CIMAP1D: variants seen among roughly 807,000 people sequenced by gnomAD.
The protein encoded by CIMAP1D is protein CIMAP1D.
At chr19:467,836 C>T in the CIMAP1D span, 1 of 928,412 alleles carries the variant, frequency 1.1e-6, no homozygotes, top group South Asian at 1.6e-5. Context: ...CCTCAGTGCC[C>T]CTCTTGGCCC....
At chr19:472,642 T>C in the CIMAP1D span, 10 of 540,544 alleles carry the variant, frequency 1.8e-5, no homozygotes, top group Non-Finnish European at 3.3e-5. Context: ...AAGAGGCTGC[T>C]GCCCGTCGGG....
chr19:486,282 C>T, the CIMAP1D span, among the ~76,000 whole-genome samples: 2 of 152,208 alleles, frequency 1.3e-5, no homozygotes, highest in African/African-American at 4.8e-5. Context: ...CCTTCCTGCC[C>T]TCTCTGGCTG....
chr19:479,531 C>T, the CIMAP1D span, among the ~76,000 whole-genome samples: 28 of 151,446 alleles, frequency 1.8e-4, no homozygotes, highest in South Asian at 4.0e-3. Flanking sequence ...CAGCCTCTCG[C>T]GTAGCTGGGA....
At chr19:479,071 G>A in the CIMAP1D span, among the ~76,000 whole-genome samples, 1 of 152,216 alleles carries the variant, frequency 6.6e-6, no homozygotes, top group East Asian at 1.9e-4. Flanking sequence ...AGTGAGGGCC[G>A]TGATCAACTC....
At chr19:471,227 C>CA in the CIMAP1D span, among the ~76,000 whole-genome samples, 5 of 152,124 alleles carry the variant, frequency 3.3e-5, no homozygotes, top group Admixed American at 6.6e-5. Flanking sequence ...CGGCTCACTG[C>CA]AGCATCTGCC....
the CIMAP1D span, chr19:463,943 C>T: frequency 7.4e-6 from 12 of 1,611,328 alleles, no homozygotes; most frequent in East Asian, 4.5e-5. Context: ...CCATAGAGAA[C>T]GCTGGAGCCC....
At chr19:470,981 T>C in the CIMAP1D span, among the ~76,000 whole-genome samples, 2 of 152,216 alleles carry the variant, frequency 1.3e-5, no homozygotes, top group East Asian at 1.9e-4. Context: ...CAGCCGGGAA[T>C]GTCCACAGAG....
At chr19:470,855 G>A in the CIMAP1D span, among the ~76,000 whole-genome samples, 1 of 152,240 alleles carries the variant, frequency 6.6e-6, no homozygotes, top group African/African-American at 2.4e-5. Context: ...GCCGGGCGGG[G>A]TCCACGCCGG....
the CIMAP1D span, among the ~76,000 whole-genome samples, chr19:464,980 G>A: frequency 1.4e-5 from 2 of 142,448 alleles, no homozygotes; most frequent in Admixed American, 1.4e-4. Context: ...AGATGAGTGG[G>A]TAGGTGGGTG....
chr19:491,406 C>T, the CIMAP1D span, among the ~76,000 whole-genome samples: 1 of 152,212 alleles, frequency 6.6e-6, no homozygotes, highest in Admixed American at 6.5e-5. Context: ...CTCGACGCGA[C>T]GCCGTGTGGC....
At chr19:481,098 G>A in the CIMAP1D span, among the ~76,000 whole-genome samples, 1 of 145,214 alleles carries the variant, frequency 6.9e-6, no homozygotes, top group East Asian at 2.2e-4. Flanking sequence ...AACGATGATG[G>A]AGAACGATGA....
the CIMAP1D span, chr19:464,092 C>G: frequency 6.5e-7 from 1 of 1,529,368 alleles, no homozygotes; most frequent in South Asian, 1.2e-5. Context: ...TCCGGGCTGT[C>G]GTACTGGCCC....
At chr19:467,862 A>G in the CIMAP1D span, 2 of 722,660 alleles carry the variant, frequency 2.8e-6, no homozygotes, top group Non-Finnish European at 4.6e-6. Flanking sequence ...CACTCCCACC[A>G]GGTCAGAGGC....
chr19:479,591 G>T, the CIMAP1D span, among the ~76,000 whole-genome samples: 1 of 150,864 alleles, frequency 6.6e-6, no homozygotes, highest in African/African-American at 2.5e-5. Flanking sequence ...TTTTAGTAGA[G>T]ACGGGGTTTC....
At chr19:470,327 C>A in the CIMAP1D span, among the ~76,000 whole-genome samples, 1 of 151,838 alleles carries the variant, frequency 6.6e-6, no homozygotes, top group African/African-American at 2.4e-5. Context: ...CTGCCTCAGC[C>A]TCCCTAGTAG....
At chr19:483,844 TCTAC>T in the CIMAP1D span, among the ~76,000 whole-genome samples, 1 of 152,148 alleles carries the variant, frequency 6.6e-6, no homozygotes, top group Non-Finnish European at 1.5e-5. Context: ...CTTCCTTCCC[TCTAC>T]CTGTCAGCCG....
At chr19:465,710 T>C in the CIMAP1D span, among the ~76,000 whole-genome samples, 1 of 129,934 alleles carries the variant, frequency 7.7e-6, no homozygotes, top group Admixed American at 7.8e-5. Context: ...GGTGGGTGGA[T>C]AGATGAATGA....
the CIMAP1D span, among the ~76,000 whole-genome samples, chr19:491,479 G>T: frequency 3.3e-5 from 5 of 152,084 alleles, no homozygotes; most frequent in African/African-American, 1.2e-4. Flanking sequence ...CTGGGCCCCC[G>T]TCTTCAAAGC....
At chr19:486,060 CAGAG>C in the CIMAP1D span, among the ~76,000 whole-genome samples, 1 of 152,234 alleles carries the variant, frequency 6.6e-6, no homozygotes, top group Non-Finnish European at 1.5e-5. Context: ...CATCCTCATC[CAGAG>C]AGAGCCTGCT....
Sources: allele counts gnomAD v4.1 joint callset (sites outside exome capture counted in the v4.1 genomes callset), GRCh38; gene constraint gnomAD v4.1.1; transcripts MANE v1.5; gene names NCBI Gene and HGNC (gene_info 2026-07-23, HGNC 2026-07-21).